The following PTGFR variants were observed in gnomAD, a reference collection of about 807,000 sequenced individuals.
The protein encoded by PTGFR is prostaglandin F receptor, also known as prostaglandin F2-alpha receptor.
A neutral mutation model predicts 26.2 loss-of-function variants in PTGFR; 15 were observed. That is an observed-to-expected ratio of 0.57 (90% CI 0.38 to 0.88). PTGFR has a LOEUF of 0.88. Ranked by LOEUF, PTGFR falls within the 40% of genes least tolerant of loss-of-function variation. The probability of loss-of-function intolerance (pLI) is 0.00; values close to 1 mark genes in which losing one functional copy is unlikely to be tolerated. For missense variants in PTGFR, 369 were observed against 427.2 expected (o/e 0.86, Z 1.20); for synonymous variants, 165 against 151.1 (o/e 1.09, Z -0.68).
intron 2 of PTGFR, among the ~76,000 whole-genome samples, chr1:78,506,897 T>C (rs1022823184): frequency 6.6e-6 from 1 of 152,170 alleles, no homozygotes; most frequent in Admixed American, 6.5e-5. Flanking sequence ...AATGTTATGT[T>C]AGGGAGACTC....
chr1:78,515,760 A>C (rs545380928), intron 2 of PTGFR, among the ~76,000 whole-genome samples: 1 of 152,190 alleles, frequency 6.6e-6, no homozygotes, highest in Non-Finnish European at 1.5e-5. Context: ...TGATTAATCT[A>C]ATTTCTTAAG....
chr1:78,495,968 G>A (rs572814604), intron 2 of PTGFR, among the ~76,000 whole-genome samples: 1 of 152,262 alleles, frequency 6.6e-6, no homozygotes, highest in African/African-American at 2.4e-5. Flanking sequence ...AATACTTTAA[G>A]CATGAAAATT....
At chr1:78,524,581 C>G (rs562493822) in intron 2 of PTGFR, among the ~76,000 whole-genome samples, 1 of 152,082 alleles carries the variant, frequency 6.6e-6, no homozygotes, top group East Asian at 1.9e-4. Context: ...ACTGGCAATA[C>G]AACCTGATCA....
intron 2 of PTGFR, among the ~76,000 whole-genome samples, chr1:78,527,482 G>A (rs1013539835): frequency 6.6e-6 from 1 of 151,864 alleles, no homozygotes; most frequent in African/African-American, 2.4e-5. Context: ...GTATAAAAAT[G>A]TAATTGTAAT....
chr1:78,500,658 G>GT lies in PTGFR; in HGVS notation c.798+7118dup, dbSNP rs373119816. On this transcript the variant is annotated intron_variant, in intron 2 of 2. Transcript: ENST00000370757. ...TCTGGAAAGCTTCCTGCGTGCAGAT[G>GT]TCTGCCCCAAAGTCTATTGCCTCCA... Among the ~76,000 whole-genome samples the GT allele has an allele frequency of 4.9e-3, 753 of 152,338 alleles. 4 individuals carry two copies. Among genetic ancestry groups the GT allele is most frequent in the Non-Finnish European group, 6.9e-3 (471 of 68,030 alleles).
intron 2 of PTGFR, among the ~76,000 whole-genome samples, chr1:78,509,728 AT>A (rs2100368007): frequency 6.6e-6 from 1 of 152,312 alleles, no homozygotes; most frequent in African/African-American, 2.4e-5. Context: ...TAGTTGCCCA[AT>A]TTAGATGGTC....
chr1:78,539,814 T>A lies in PTGFR; in HGVS notation c.*3127T>A, dbSNP rs905100799. Reference sequence around the variant, plus strand: ...TGAAACGCTTGAACCTAAACTCCCGTTTTATCTGCTACTGGATGAGAAGAA... The same window carrying A: ...TGAAACGCTTGAACCTAAACTCCCGATTTATCTGCTACTGGATGAGAAGAA... On this transcript the variant is annotated 3_prime_UTR_variant, in exon 3 of 3. Coordinates refer to ENST00000370757, the MANE Select transcript of PTGFR (RefSeq NM_000959.4). 3 of 152,366 alleles carry A rather than the reference T, an allele frequency of 2.0e-5. No homozygotes were observed. Among genetic ancestry groups the A allele is most frequent in the Non-Finnish European group, 2.9e-5 (2 of 68,020 alleles). The allele number at this position is 152,366 out of a possible 1,614,324, so 9.4% of individuals were successfully genotyped here.
At chr1:78,504,057 T>C (rs1649770091) in intron 2 of PTGFR, among the ~76,000 whole-genome samples, 1 of 152,170 alleles carries the variant, frequency 6.6e-6, no homozygotes, top group Non-Finnish European at 1.5e-5. Flanking sequence ...ACTCTCATGT[T>C]TTGGGAACTC....
chr1:78,537,700 G>T lies in PTGFR; in HGVS notation c.*1013G>T, dbSNP rs776347140. 3.3e-5 allele frequency: 5 copies of T among 152,136 alleles called. No homozygotes were observed. The highest frequency in any genetic ancestry group is 5.9e-5 in the Non-Finnish European group (4 of 68,028). The allele number at this position is 152,136 out of a possible 1,614,324, so 9.4% of individuals were successfully genotyped here. A position where few individuals can be genotyped will look rare whatever the true frequency, so the allele number is the denominator to read the frequency against. ...CACACAGACATCAGAAAATTCTGTT[G>T]AGAGCAGGTTCATTAAATTTGTAAG... On this transcript the variant is annotated 3_prime_UTR_variant, in exon 3 of 3. Coordinates refer to ENST00000370757, the MANE Select transcript of PTGFR (RefSeq NM_000959.4).
intron 2 of PTGFR, among the ~76,000 whole-genome samples, chr1:78,533,413 C>G (rs1425412245): frequency 6.6e-6 from 1 of 152,120 alleles, no homozygotes; most frequent in Non-Finnish European, 1.5e-5. Context: ...CAACATTTTC[C>G]TGTACCCTGT....
chr1:78,538,025 TA>T lies in PTGFR; in HGVS notation c.*1343del, dbSNP rs1410670502. The T allele has an allele frequency of 6.6e-6, 1 of 152,156 alleles. No homozygotes were observed. The allele number at this position is 152,156 out of a possible 1,614,324, so 9.4% of individuals were successfully genotyped here. On this transcript the variant is annotated 3_prime_UTR_variant, in exon 3 of 3. Transcript: ENST00000370757. Reference sequence around the variant, plus strand: ...TTGCTTTCATTAACTTGGATTCATTTAAAAATTAATCTTCCCTGTTAGGCTG... The same window carrying T: ...TTGCTTTCATTAACTTGGATTCATTTAAAATTAATCTTCCCTGTTAGGCTG...
At chr1:78,497,712 A>G (rs907446325) in intron 2 of PTGFR, among the ~76,000 whole-genome samples, 3 of 152,160 alleles carry the variant, frequency 2.0e-5, no homozygotes, top group Non-Finnish European at 4.4e-5. Flanking sequence ...ATGATTGACC[A>G]GTATATGGAT....
At chr1:78,522,948 T>C (rs1650281995) in intron 2 of PTGFR, among the ~76,000 whole-genome samples, 1 of 152,132 alleles carries the variant, frequency 6.6e-6, no homozygotes, top group Admixed American at 6.6e-5. Flanking sequence ...TTTAACTATG[T>C]AATTATTATT....
At chr1:78,509,483 T>C (rs1418447647) in intron 2 of PTGFR, among the ~76,000 whole-genome samples, 1 of 152,260 alleles carries the variant, frequency 6.6e-6, no homozygotes, top group Non-Finnish European at 1.5e-5. Context: ...GCTGTCTTGT[T>C]TCTTATTTCC....
At chr1:78,496,808 T>G (rs1649563926) in intron 2 of PTGFR, among the ~76,000 whole-genome samples, 2 of 152,216 alleles carry the variant, frequency 1.3e-5, no homozygotes, top group Admixed American at 1.3e-4. Flanking sequence ...TAATAGACTC[T>G]ATTTTACTTT....
At chr1:78,516,031 C>T (rs1650083829) in intron 2 of PTGFR, among the ~76,000 whole-genome samples, 1 of 152,078 alleles carries the variant, frequency 6.6e-6, no homozygotes, top group African/African-American at 2.4e-5. Context: ...GAAATGTAAC[C>T]ATAAAACTGT....
chr1:78,512,257 G>C (rs1444325577), intron 2 of PTGFR, among the ~76,000 whole-genome samples: 1 of 152,090 alleles, frequency 6.6e-6, no homozygotes, highest in Non-Finnish European at 1.5e-5. Flanking sequence ...CTCCGCTCAT[G>C]GTATGAATTT....
chr1:78,534,606 A>G (rs1303447476), intron 2 of PTGFR, among the ~76,000 whole-genome samples: 1 of 152,194 alleles, frequency 6.6e-6, no homozygotes, highest in African/African-American at 2.4e-5. Context: ...GAGGAAATCA[A>G]AAGTCTCTGT....
In PTGFR at chr1:78,492,974, T is replaced by C; in HGVS notation, c.231T>C (p.Asp77=). Residue 77 remains aspartate (D), a synonymous_variant, in exon 2 of 3, where the codon GAT becomes GAC. Transcript: ENST00000370757. Reference sequence around the variant, plus strand: ...TGGCCAGTGGCCTGGTAATCACTGATTTCTTTGGCCATCTCATCAATGGAG... The same window carrying C: ...TGGCCAGTGGCCTGGTAATCACTGACTTCTTTGGCCATCTCATCAATGGAG... The part of the protein sequence containing the change: ...LLLASGLVIT[D]FFGHLINGAI... The C allele has an allele frequency of 1.2e-6, 2 of 1,614,242 alleles. No individual in the cohort carries two copies. The highest frequency in any genetic ancestry group is 2.2e-5 in the South Asian group (2 of 91,084).
Sources: allele counts gnomAD v4.1 joint callset (sites outside exome capture counted in the v4.1 genomes callset), GRCh38; gene constraint gnomAD v4.1.1; transcripts MANE v1.5; gene names NCBI Gene and HGNC (gene_info 2026-07-23, HGNC 2026-07-21).